The following ENTPD1 variants were observed in gnomAD, a reference collection of about 807,000 sequenced individuals.
ENTPD1 encodes ATP diphosphohydrolase.
ENTPD1 carries 33 observed loss-of-function variants against 57.0 expected under a neutral mutation model. The observed-to-expected ratio is 0.58, with a 90% CI of 0.44 to 0.77. ENTPD1 has a LOEUF of 0.77. ENTPD1 is among the 30% of genes least tolerant of loss of function. ENTPD1 has a pLI of 0.00. For missense variants in ENTPD1, 501 were observed against 603.4 expected (o/e 0.83, Z 1.78); for synonymous variants, 202 against 218.8 (o/e 0.92, Z 0.68).
rs565307389 is a variant in ENTPD1 at position 95,717,862 on chromosome 10, G to T, written c.37+5869G>T. On this transcript the variant is annotated intron_variant, in intron 1 of 9. Coordinates refer to the ENTPD1 transcript ENST00000453258. ...CATGGGCTAGCAGGCCGGTCCAGGGGTCTGCAGTAGATCTCAGTCATGGAC... is the reference window on the plus strand; with the variant it reads ...CATGGGCTAGCAGGCCGGTCCAGGGTTCTGCAGTAGATCTCAGTCATGGAC... 7.9e-5 allele frequency among the ~76,000 whole-genome samples: 12 copies of T among 152,292 alleles called. No homozygotes were observed. The South Asian group carries it at 1.9e-3, about 24-fold the overall frequency.
exon 1 of ENTPD1, chr10:95,711,901 C>A: frequency 6.2e-7 from 1 of 1,610,256 alleles, no homozygotes; most frequent in Admixed American, 1.7e-5. Flanking sequence ...TTGGCCCCTC[C>A]AGTTTTGGTG....
upstream of ENTPD1, among the ~76,000 whole-genome samples, chr10:95,707,325 C>A (rs1035348467): frequency 1.2e-4 from 18 of 152,154 alleles, no homozygotes; most frequent in African/African-American, 4.3e-4. Context: ...GAGCATGAGG[C>A]CTGGGTCTGC....
At position 95,868,962 on chromosome 10, in the gene ENTPD1, G is replaced by A; in HGVS notation, c.*2579G>A. ...GACACAACCTAACCCCAATTATTTT[G>A]GCAGGAAGGTTGGTTTAGAGGCAGA... On this transcript the variant is annotated 3_prime_UTR_variant, in exon 10 of 10. Transcript: ENST00000371205. The A allele has an allele frequency of 1.0e-6, 1 of 985,282 alleles. No homozygotes were observed. The highest frequency in any genetic ancestry group is 1.2e-6 in the Non-Finnish European group (1 of 829,918). The allele number at this position is 985,282 out of a possible 1,614,324, so 61.0% of individuals were successfully genotyped here.
intron 1 of ENTPD1, among the ~76,000 whole-genome samples, chr10:95,715,265 G>A (rs1195806876): frequency 6.6e-6 from 1 of 152,104 alleles, no homozygotes; most frequent in Non-Finnish European, 1.5e-5. Context: ...GGTGTTATAT[G>A]TGTATAATTG....
At chr10:95,739,145 A>C (rs2097997651) in intron 1 of ENTPD1, among the ~76,000 whole-genome samples, 1 of 152,174 alleles carries the variant, frequency 6.6e-6, no homozygotes, top group African/African-American at 2.4e-5. Flanking sequence ...TGTGAGTTGT[A>C]ATCTTTTTGC....
At chr10:95,820,017 T>G (rs2098343637) in intron 1 of ENTPD1, among the ~76,000 whole-genome samples, 1 of 152,178 alleles carries the variant, frequency 6.6e-6, no homozygotes, top group Non-Finnish European at 1.5e-5. Context: ...GAAAGCACTC[T>G]GGGGGTCTAA....
chr10:95,798,254 G>A lies in ENTPD1; in HGVS notation c.17-24983G>A, dbSNP rs576396110. 7.2e-5 allele frequency among the ~76,000 whole-genome samples: 11 copies of A among 152,298 alleles called. No individual in the cohort carries two copies. In the South Asian group the frequency reaches 1.9e-3, roughly 26 times the overall value. On this transcript the variant is annotated intron_variant, in intron 1 of 9. Coordinates refer to ENST00000371205, the MANE Select transcript of ENTPD1 (RefSeq NM_001776.6). ...GGTGATATTTGTGTGAACAGCTTTA[G>A]TGGAATGGGATCAGGAGCCAGATAC...
At chr10:95,792,284 A>G (rs939923540) in intron 1 of ENTPD1, among the ~76,000 whole-genome samples, 1 of 152,212 alleles carries the variant, frequency 6.6e-6, no homozygotes, top group Admixed American at 6.5e-5. Context: ...CCCTGTCAAA[A>G]GACAAAATTA....
In ENTPD1 at chr10:95,875,961, A is replaced by C; in HGVS notation, c.*9578A>C. On this transcript the variant is annotated 3_prime_UTR_variant, in exon 10 of 10. Coordinates refer to ENST00000371205, the MANE Select transcript of ENTPD1 (RefSeq NM_001776.6). ...ATTTGGGTGGGGACACAGCCAAACC[A>C]TATCAATGATTTTGTACTTTAACCA... is the stretch of plus-strand genomic sequence containing the variant. 1.0e-5 allele frequency: 10 copies of C among 985,422 alleles called. No individual in the cohort carries two copies. Among genetic ancestry groups the C allele is most frequent in the Non-Finnish European group, 1.2e-5 (10 of 829,918 alleles). 61.0% of individuals were successfully genotyped at this position (985,422 alleles called of 1,614,324 possible). A position where few individuals can be genotyped will look rare whatever the true frequency, so the allele number is the denominator to read the frequency against.
chr10:95,857,103 A>G (rs1462827046), intron 7 of ENTPD1, among the ~76,000 whole-genome samples: 1 of 152,170 alleles, frequency 6.6e-6, no homozygotes, highest in Non-Finnish European at 1.5e-5. Flanking sequence ...AAATAAGAGC[A>G]AGATTCTGAG....
chr10:95,866,893 A>G lies in ENTPD1; in HGVS notation c.*510A>G. The G allele has an allele frequency of 2.9e-6, 3 of 1,020,980 alleles. No individual in the cohort carries two copies. The highest frequency in any genetic ancestry group is 3.5e-6 in the Non-Finnish European group (3 of 850,622). The allele number at this position is 1,020,980 out of a possible 1,614,324, so 63.2% of individuals were successfully genotyped here. ...TCCATTCCCAGCCTGCTCTGTGGGTAGGAGAATTTTCTACAGTAGGCAAAT... is the reference window on the plus strand; with the variant it reads ...TCCATTCCCAGCCTGCTCTGTGGGTGGGAGAATTTTCTACAGTAGGCAAAT... On this transcript the variant is annotated 3_prime_UTR_variant, in exon 10 of 10. Transcript: ENST00000371205.
At chr10:95,797,925 A>G (rs539049980) in intron 1 of ENTPD1, among the ~76,000 whole-genome samples, 3 of 152,344 alleles carry the variant, frequency 2.0e-5, no homozygotes, top group South Asian at 2.1e-4. Flanking sequence ...AGTTATCCTC[A>G]TAGAGATTAA....
intron 9 of ENTPD1, 140 bp downstream of exon 9, chr10:95,865,001 C>G: frequency 9.5e-7 from 1 of 1,053,384 alleles, no homozygotes; most frequent in Non-Finnish European, 1.4e-6. Flanking sequence ...GCTTCAAACC[C>G]TGGCATTCTG....
intron 2 of ENTPD1, among the ~76,000 whole-genome samples, chr10:95,824,304 G>C (rs3176887): frequency 0.037 from 5,677 of 152,312 alleles, 127 homozygotes; most frequent in Non-Finnish European, 0.049. Flanking sequence ...TACATGTGTA[G>C]AAGTATATTC....
chr10:95,751,302 T>G (rs1423050588), upstream of ENTPD1, among the ~76,000 whole-genome samples: 2 of 152,034 alleles, frequency 1.3e-5, no homozygotes, highest in East Asian at 3.9e-4. Context: ...GGAGATGAAT[T>G]TGAGAGATCT....
intron 1 of ENTPD1, among the ~76,000 whole-genome samples, chr10:95,714,556 T>C (rs2139812385): frequency 6.6e-6 from 1 of 152,308 alleles, no homozygotes; most frequent in South Asian, 2.1e-4. Context: ...GTAAAGAAGC[T>C]AATTTTTTCC....
chr10:95,703,607 C>T, the ENTPD1 span, among the ~76,000 whole-genome samples: 15 of 151,854 alleles, frequency 9.9e-5, no homozygotes, highest in African/African-American at 2.2e-4. Context: ...CATGGTGAAA[C>T]GCTGTCTCTA....
chr10:95,735,044 T>G (rs2097993153), intron 1 of ENTPD1, among the ~76,000 whole-genome samples: 1 of 151,500 alleles, frequency 6.6e-6, no homozygotes, highest in African/African-American at 2.4e-5. Flanking sequence ...TTTTTTTTTT[T>G]TTTTAGACAG....
chr10:95,721,128 A>G (rs2097976948), intron 1 of ENTPD1, among the ~76,000 whole-genome samples: 1 of 152,188 alleles, frequency 6.6e-6, no homozygotes, highest in Non-Finnish European at 1.5e-5. Context: ...ACAGAGAGGT[A>G]TGCTTCCTCA....
Sources: gnomAD v4.1 joint callset for allele counts (sites outside exome capture counted in the v4.1 genomes callset) on GRCh38, gnomAD v4.1.1 for gene constraint, MANE v1.5 for transcripts, NCBI Gene and HGNC (gene_info 2026-07-23, HGNC 2026-07-21) for gene names.